The following PTPRN2 variants were observed in gnomAD, a reference collection of about 807,000 sequenced individuals.
PTPRN2 encodes the protein protein tyrosine phosphatase receptor type N2.
PTPRN2 carries 74 observed loss-of-function variants against 118.8 expected under a neutral mutation model. The ratio of observed to expected loss-of-function variants is 0.62; its 90% CI spans 0.52 to 0.76. The LOEUF is 0.76. Among genes scored for constraint, PTPRN2 ranks in the 30% least tolerant of loss-of-function variants. The pLI, the probability that PTPRN2 is intolerant of heterozygous loss-of-function variation, is 0.00. For synonymous variants in PTPRN2, 641 were observed against 608.0 expected (o/e 1.05, Z -0.80); for missense variants, 1,481 against 1,394.4 (o/e 1.06, Z -0.99).
intron 2 of PTPRN2, among the ~76,000 whole-genome samples, chr7:158,472,763 A>G (rs1632730): frequency 0.71 from 107,352 of 152,144 alleles, 38,054 homozygotes; most frequent in Admixed American, 0.78. Context: ...CGGCGCCTCT[A>G]AAATAACAAG....
intron 9 of PTPRN2, among the ~76,000 whole-genome samples, chr7:158,115,207 T>A (rs1816633633): frequency 6.6e-6 from 1 of 151,796 alleles, no homozygotes; most frequent in Non-Finnish European, 1.5e-5. Flanking sequence ...ACAACAAAAG[T>A]TCCCTCCCCT....
chr7:158,241,174 G>T (rs1795883174), intron 3 of PTPRN2, among the ~76,000 whole-genome samples: 1 of 152,180 alleles, frequency 6.6e-6, no homozygotes, highest in Non-Finnish European at 1.5e-5. Context: ...CTCCAGTTCG[G>T]CTATAGTTTC....
intron 3 of PTPRN2, among the ~76,000 whole-genome samples, chr7:158,265,368 A>G (rs559388176): frequency 1.3e-5 from 2 of 151,680 alleles, no homozygotes; most frequent in Non-Finnish European, 2.9e-5. Context: ...GTACATACCT[A>G]TGGGCACATA....
In PTPRN2 at chr7:157,683,859, G is replaced by C. The variant is rs552816174; in HGVS notation, c.1789-922C>G. Among the ~76,000 whole-genome samples the C allele has an allele frequency of 3.0e-4, 46 of 152,266 alleles. No homozygotes were observed. In the South Asian group the frequency reaches 9.3e-3, roughly 31 times the overall value. On this transcript the variant is annotated intron_variant, in intron 12 of 22. Coordinates refer to ENST00000389418, the MANE Select transcript of PTPRN2 (RefSeq NM_002847.5). ...GACCGCGCGCCCTGCACAATGACTC[G>C]GGGAGTGAATGGGGGAGCACGCCCG... is the stretch of plus-strand genomic sequence containing the variant.
At chr7:158,581,780 C>T (rs1162771642) in intron 1 of PTPRN2, among the ~76,000 whole-genome samples, 1 of 152,190 alleles carries the variant, frequency 6.6e-6, no homozygotes, top group Non-Finnish European at 1.5e-5. Context: ...TAACTGTCAC[C>T]AAACACTCAT....
rs1246712048 is a variant in PTPRN2 at position 157,676,243 on chromosome 7, C to G, written c.2001+6482G>C. Among the ~76,000 whole-genome samples, 1 of 152,154 alleles carries G rather than the reference C, an allele frequency of 6.6e-6. No homozygotes were observed. Among genetic ancestry groups the G allele is most frequent in the African/African-American group, 2.4e-5 (1 of 41,436 alleles). Reference sequence around the variant, plus strand: ...CCTGGCAGCCCTGCAAATGCCCACCCTCTTGGGTCTGTCCCTACCCTGCAG... The same window carrying G: ...CCTGGCAGCCCTGCAAATGCCCACCGTCTTGGGTCTGTCCCTACCCTGCAG... On this transcript the variant is annotated intron_variant, in intron 13 of 22. Transcript: ENST00000389418. This position sits in a 1 kb window ranked among gnomAD's most constrained non-coding sequence, Gnocchi z 5.6.
intron 1 of PTPRN2, among the ~76,000 whole-genome samples, chr7:158,522,312 C>T (rs1158181587): frequency 1.0e-5 from 1 of 97,550 alleles, no homozygotes; most frequent in Non-Finnish European, 2.0e-5. Flanking sequence ...GGTGGACTGT[C>T]CGGGTAGTGG....
chr7:158,535,992 C>T (rs1825620757), intron 1 of PTPRN2, among the ~76,000 whole-genome samples: 1 of 149,842 alleles, frequency 6.7e-6, no homozygotes. Context: ...AGGTTGGGAC[C>T]TTACTAACCA....
At chr7:158,484,811 A>T (rs1820886221) in intron 2 of PTPRN2, among the ~76,000 whole-genome samples, 3 of 151,970 alleles carry the variant, frequency 2.0e-5, no homozygotes, top group Admixed American at 2.0e-4. Flanking sequence ...CTCCACCATC[A>T]CAGACGTCCT....
intron 4 of PTPRN2, among the ~76,000 whole-genome samples, chr7:158,202,787 G>C (rs76452490): frequency 7.7e-4 from 118 of 152,274 alleles, no homozygotes; most frequent in African/African-American, 2.7e-3. Flanking sequence ...TGCCATCTAC[G>C]TTCCAGGCTG....
chr7:158,362,199 C>T (rs1181745405), intron 2 of PTPRN2, among the ~76,000 whole-genome samples: 1 of 152,212 alleles, frequency 6.6e-6, no homozygotes, highest in Non-Finnish European at 1.5e-5. Context: ...CCTAACTCAG[C>T]TCTGGGCTGT....
intron 4 of PTPRN2, among the ~76,000 whole-genome samples, chr7:158,198,449 GA>G (rs1434932953): frequency 6.6e-6 from 1 of 152,190 alleles, no homozygotes; most frequent in Non-Finnish European, 1.5e-5. Context: ...ACGATAATAT[GA>G]GATAGTCTAG....
At chr7:157,809,644 G>A (rs374305161) in intron 12 of PTPRN2, among the ~76,000 whole-genome samples, 16 of 152,282 alleles carry the variant, frequency 1.1e-4, no homozygotes, top group Non-Finnish European at 7.3e-5. Context: ...CCCCGAGGAC[G>A]GAGACGGAAC....
chr7:158,478,919 T>G (rs1435734424), intron 2 of PTPRN2, among the ~76,000 whole-genome samples: 1 of 151,970 alleles, frequency 6.6e-6, no homozygotes, highest in Non-Finnish European at 1.5e-5. Context: ...GAGGTGAAAG[T>G]GGCCCCACAG....
chr7:158,477,155 G>A (rs1055753888), intron 2 of PTPRN2, among the ~76,000 whole-genome samples: 4 of 152,210 alleles, frequency 2.6e-5, no homozygotes, highest in East Asian at 1.9e-4. Flanking sequence ...GGGTCTTCCC[G>A]TTGCCTCAGC....
intron 2 of PTPRN2, among the ~76,000 whole-genome samples, chr7:158,449,819 A>G (rs138733246): frequency 2.6e-5 from 4 of 152,334 alleles, no homozygotes; most frequent in African/African-American, 7.2e-5. Context: ...TTCCTGGCAA[A>G]CAGGAACACT....
chr7:158,086,314 G>T (rs9770368), intron 10 of PTPRN2, among the ~76,000 whole-genome samples: 2 of 152,036 alleles, frequency 1.3e-5, no homozygotes, highest in Non-Finnish European at 2.9e-5. Flanking sequence ...CATCAGAACA[G>T]ACACACAGCC....
chr7:157,815,320 C>T (rs1373860636), intron 12 of PTPRN2, among the ~76,000 whole-genome samples: 1 of 152,262 alleles, frequency 6.6e-6, no homozygotes, highest in African/African-American at 2.4e-5. Flanking sequence ...CTCCCATGGC[C>T]GTGGCCTCTT....
chr7:158,024,288 T>C (rs1249616056), intron 11 of PTPRN2, among the ~76,000 whole-genome samples: 1 of 152,176 alleles, frequency 6.6e-6, no homozygotes, highest in Non-Finnish European at 1.5e-5. Context: ...GCTGACTTAA[T>C]TGACTGGTCA....
Sources: gnomAD v4.1 joint callset for allele counts (sites outside exome capture counted in the v4.1 genomes callset) on GRCh38, gnomAD v4.1.1 for gene constraint, Gnocchi (gnomAD v3.1) non-coding constraint, MANE v1.5 for transcripts, NCBI Gene and HGNC (gene_info 2026-07-23, HGNC 2026-07-21) for gene names.